The following SMOC2 variants were observed in gnomAD, a reference collection of about 807,000 sequenced individuals.
SMOC2 encodes SPARC related modular calcium binding 2, also known as SPARC-related modular calcium-binding protein 2.
In SMOC2, 39 loss-of-function variants were observed where a neutral mutation model predicts 61.4. That is an observed-to-expected ratio of 0.64 (90% CI 0.49 to 0.83). The LOEUF (loss-of-function observed/expected upper bound fraction) is 0.83. SMOC2 is among the 40% of genes least tolerant of loss of function. The pLI, the probability that SMOC2 is intolerant of heterozygous loss-of-function variation, is 0.00. For synonymous variants in SMOC2, 247 were observed against 239.9 expected (o/e 1.03, Z -0.27); for missense variants, 556 against 592.9 (o/e 0.94, Z 0.65).
intron 7 of SMOC2, among the ~76,000 whole-genome samples, chr6:168,596,468 C>T (rs1785338732): frequency 7.0e-6 from 1 of 142,444 alleles, no homozygotes; most frequent in Non-Finnish European, 1.5e-5. Flanking sequence ...GTGAACACGG[C>T]AGTGCTAAGT....
chr6:168,493,228 G>A (rs930149965), intron 1 of SMOC2, among the ~76,000 whole-genome samples: 3 of 152,024 alleles, frequency 2.0e-5, no homozygotes, highest in African/African-American at 7.2e-5. Flanking sequence ...GTAGAGACGA[G>A]GTTCCACCAT....
intron 2 of SMOC2, among the ~76,000 whole-genome samples, chr6:168,516,158 C>T (rs922577840): frequency 4.6e-5 from 7 of 152,094 alleles, no homozygotes; most frequent in Admixed American, 1.3e-4. Flanking sequence ...TGATTAAATT[C>T]GATTTAAATG....
intron 9 of SMOC2, among the ~76,000 whole-genome samples, chr6:168,640,402 G>C (rs1786865656): frequency 6.6e-6 from 1 of 152,162 alleles, no homozygotes; most frequent in Non-Finnish European, 1.5e-5. Flanking sequence ...CCCGGGGGCT[G>C]CTGCAGACGC....
In SMOC2 at chr6:168,535,010, G is replaced by A. The variant is rs184467561; in HGVS notation, c.463+7283G>A. On this transcript the variant is annotated intron_variant, in intron 4 of 12. Transcript: ENST00000356284. This position sits in a 1 kb window ranked among gnomAD's most constrained non-coding sequence, Gnocchi z 4.6. ...TTTTGAGATGGAGTCTGGCTCTGTCGCCCAGGCTGGAGTGCAGTGGCACAA... is the reference window on the plus strand; with the variant it reads ...TTTTGAGATGGAGTCTGGCTCTGTCACCCAGGCTGGAGTGCAGTGGCACAA... Among the ~76,000 whole-genome samples the A allele has an allele frequency of 1.6e-4, 24 of 151,894 alleles. No homozygotes were observed. The highest frequency in any genetic ancestry group is 1.5e-3 in the Admixed American group (23 of 15,118).
At chr6:168,447,169 C>T (rs540639444) in intron 1 of SMOC2, among the ~76,000 whole-genome samples, 10 of 152,208 alleles carry the variant, frequency 6.6e-5, no homozygotes, top group African/African-American at 2.4e-4. Flanking sequence ...TGGGCTCAAG[C>T]GATTCCCCTG....
At chr6:168,470,961 G>C (rs1325872371) in intron 1 of SMOC2, among the ~76,000 whole-genome samples, 2 of 152,232 alleles carry the variant, frequency 1.3e-5, no homozygotes, top group Non-Finnish European at 2.9e-5. Flanking sequence ...AACAAATAAG[G>C]AATATCAAAT....
At chr6:168,451,111 G>A (rs1348271872) in intron 1 of SMOC2, among the ~76,000 whole-genome samples, 1 of 152,160 alleles carries the variant, frequency 6.6e-6, no homozygotes, top group African/African-American at 2.4e-5. Flanking sequence ...TCCATTTGCT[G>A]CACTGATTTA....
intron 11 of SMOC2, among the ~76,000 whole-genome samples, chr6:168,653,797 T>A (rs1046576777): frequency 2.0e-5 from 3 of 148,510 alleles, no homozygotes; most frequent in Non-Finnish European, 1.5e-5. Context: ...CAACCAGATG[T>A]TAGGAACTCA....
intron 7 of SMOC2, among the ~76,000 whole-genome samples, chr6:168,568,062 G>T (rs563245064): frequency 3.3e-5 from 5 of 150,198 alleles, no homozygotes; most frequent in African/African-American, 1.3e-4. Context: ...GCGAAGACTG[G>T]ATGGTGTGAG....
intron 1 of SMOC2, among the ~76,000 whole-genome samples, chr6:168,445,709 C>T (rs1781317351): frequency 2.6e-5 from 4 of 152,030 alleles, no homozygotes; most frequent in Non-Finnish European, 4.4e-5. Context: ...CAGTAGAAGA[C>T]GGACCACGAA....
intron 1 of SMOC2, among the ~76,000 whole-genome samples, chr6:168,497,183 C>T (rs1255394387): frequency 1.3e-5 from 2 of 152,246 alleles, no homozygotes; most frequent in Non-Finnish European, 2.9e-5. Flanking sequence ...GGGCCCCAAG[C>T]CCATGACTGG....
chr6:168,497,486 G>A (rs771504380), intron 1 of SMOC2, among the ~76,000 whole-genome samples: 2 of 146,776 alleles, frequency 1.4e-5, no homozygotes, highest in African/African-American at 2.4e-5. Flanking sequence ...ATGGAGGTGG[G>A]GGTCTTCTTG....
chr6:168,560,502 ATGTG>A (rs1562348126), intron 7 of SMOC2, among the ~76,000 whole-genome samples: 51 of 149,452 alleles, frequency 3.4e-4, no homozygotes, highest in African/African-American at 4.2e-4. Context: ...TGGCCCTGAG[ATGTG>A]AGGCTCTCAC....
intron 5 of SMOC2, among the ~76,000 whole-genome samples, chr6:168,545,317 C>T (rs2063552222): frequency 6.6e-6 from 1 of 151,784 alleles, no homozygotes; most frequent in South Asian, 2.1e-4. Context: ...AAGGAAAGAA[C>T]ACACCCCCCA....
intron 9 of SMOC2, among the ~76,000 whole-genome samples, chr6:168,620,711 A>C (rs1786220657): frequency 6.6e-6 from 1 of 152,200 alleles, no homozygotes; most frequent in Non-Finnish European, 1.5e-5. Context: ...TGAACGTGAG[A>C]AATCACTTCT....
chr6:168,526,526 G>A, intron 3 of SMOC2, 74 bp downstream of exon 3: 3 of 1,228,062 alleles, frequency 2.4e-6, no homozygotes, highest in Non-Finnish European at 3.6e-6. Flanking sequence ...GTGGGGAGAA[G>A]GCAGGTGGGG....
chr6:168,645,387 G>A (rs1379962382), intron 9 of SMOC2, among the ~76,000 whole-genome samples: 2 of 152,130 alleles, frequency 1.3e-5, no homozygotes, highest in African/African-American at 4.8e-5. Context: ...AAACCCACGG[G>A]GAAGGGCCAC....
Position 168,468,448 on chromosome 6 carries a change from T to G in SMOC2, c.84+26994T>G, listed in dbSNP as rs559338679. Among the ~76,000 whole-genome samples the G allele has an allele frequency of 2.0e-5, 3 of 152,338 alleles. No individual in the cohort carries two copies. In the South Asian group the frequency reaches 6.2e-4, roughly 32 times the overall value. On this transcript the variant is annotated intron_variant, in intron 1 of 12. Coordinates refer to ENST00000356284, the MANE Select transcript of SMOC2 (RefSeq NM_001166412.2). ...ACCTATAACCACTCCTGCCACCACC[T>G]TCCCCCCGTCCCCCACCGACTGCCT...
intron 7 of SMOC2, among the ~76,000 whole-genome samples, chr6:168,590,891 A>G (rs1320352714): frequency 3.3e-5 from 5 of 152,192 alleles, no homozygotes; most frequent in African/African-American, 1.2e-4. Context: ...TGGGAAACGA[A>G]CTCATATTTT....
Sources: gnomAD v4.1 joint callset for allele counts (sites outside exome capture counted in the v4.1 genomes callset) on GRCh38, gnomAD v4.1.1 for gene constraint, Gnocchi (gnomAD v3.1) non-coding constraint, MANE v1.5 for transcripts, NCBI Gene and HGNC (gene_info 2026-07-23, HGNC 2026-07-21) for gene names.